VPS13B: variants seen among roughly 807,000 people sequenced by gnomAD.
VPS13B encodes intermembrane lipid transfer protein VPS13B.
VPS13B carries 285 observed loss-of-function variants against 426.4 expected under a neutral mutation model. That is an observed-to-expected ratio of 0.67 (90% CI 0.61 to 0.74). The LOEUF (loss-of-function observed/expected upper bound fraction) is 0.74, where lower values mean the gene tolerates loss of function less well. VPS13B is among the 30% of genes least tolerant of loss of function. The pLI, the probability that VPS13B is intolerant of heterozygous loss-of-function variation, is 0.00. For missense variants in VPS13B, 4,537 were observed against 4,782.6 expected (o/e 0.95, Z 1.51); for synonymous variants, 1,676 against 1,676.4 (o/e 1.00, Z 0.01).
rs1814177696 is a variant in VPS13B, at chr8:99,387,277, C to G, written c.2934+2960C>G. Reference sequence around the variant, plus strand: ...CTGTTGCCCAGGCTGAAGTGCAGTGCTGTGATCACAGGTCACTGCAGCCTT... The same window carrying G: ...CTGTTGCCCAGGCTGAAGTGCAGTGGTGTGATCACAGGTCACTGCAGCCTT... On this transcript the variant is annotated intron_variant, in intron 20 of 61. Transcript: ENST00000357162. Among the ~76,000 whole-genome samples the G allele has an allele frequency of 1.3e-5, 2 of 152,060 alleles. 1 individual carries two copies. Among genetic ancestry groups the G allele is most frequent in the South Asian group, 4.2e-4 (2 of 4,816 alleles).
At chr8:99,757,559 C>G (rs1421291128) in intron 39 of VPS13B, among the ~76,000 whole-genome samples, 3 of 152,196 alleles carry the variant, frequency 2.0e-5, no homozygotes, top group Non-Finnish European at 4.4e-5. Flanking sequence ...GACAGATGGG[C>G]AGTCATAACC....
chr8:99,699,397 T>G (rs1223152842), intron 35 of VPS13B, 128 bp from the exon 36 acceptor site: 2 of 979,018 alleles, frequency 2.0e-6, no homozygotes, highest in African/African-American at 3.3e-5. Flanking sequence ...ATATATCATG[T>G]TCAGGCATCC....
chr8:99,529,749 A>T (rs1416607536), intron 30 of VPS13B, among the ~76,000 whole-genome samples: 2 of 152,230 alleles, frequency 1.3e-5, no homozygotes, highest in African/African-American at 4.8e-5. Context: ...GAATTAAAAT[A>T]TCACAGGTGT....
At chr8:99,239,071 C>A (rs1042974193) in intron 17 of VPS13B, among the ~76,000 whole-genome samples, 3 of 151,948 alleles carry the variant, frequency 2.0e-5, no homozygotes, top group African/African-American at 7.3e-5. Context: ...TTGGTGAGGC[C>A]CTTACATTTG....
At chr8:99,098,796 G>A (rs1006480791) in intron 4 of VPS13B, among the ~76,000 whole-genome samples, 56 of 152,042 alleles carry the variant, frequency 3.7e-4, no homozygotes, top group African/African-American at 1.3e-3. Flanking sequence ...TTTTATAGGT[G>A]GAAAATGCTA....
chr8:99,413,071 A>G (rs1815781650), intron 21 of VPS13B, among the ~76,000 whole-genome samples: 1 of 152,226 alleles, frequency 6.6e-6, no homozygotes, highest in Non-Finnish European at 1.5e-5. Flanking sequence ...TGCTGGCCTC[A>G]TAAAATGAGT....
rs528112374 is a variant in VPS13B at position 99,163,625 on chromosome 8, G to A, written c.2209-6414G>A. ...CTGTTGGGGGACCCAGTACACCCTC[G>A]GCAGCCACTGGCCGGGGTGCTAAGT... On this transcript the variant is annotated intron_variant, in intron 15 of 61. Transcript: ENST00000357162. Among the ~76,000 whole-genome samples, 918 of 152,334 alleles carry A rather than the reference G, an allele frequency of 6.0e-3. 9 individuals carry two copies. Among genetic ancestry groups the A allele is most frequent in the African/African-American group, 0.021 (885 of 41,566 alleles).
intron 8 of VPS13B, among the ~76,000 whole-genome samples, chr8:99,124,274 A>G (rs866915564): frequency 4.3e-4 from 65 of 152,240 alleles, no homozygotes; most frequent in African/African-American, 1.5e-3. Context: ...TGACACTGTT[A>G]GAATCTTTGC....
chr8:99,793,281 ATAT>A (rs1812653481), intron 43 of VPS13B, among the ~76,000 whole-genome samples: 1 of 145,404 alleles, frequency 6.9e-6, no homozygotes, highest in African/African-American at 2.5e-5. Context: ...ATATATATAT[ATAT>A]AAAATACATG....
chr8:99,248,999 C>A (rs868527622), intron 17 of VPS13B, among the ~76,000 whole-genome samples: 4 of 152,282 alleles, frequency 2.6e-5, no homozygotes, highest in Middle Eastern at 6.8e-3. Flanking sequence ...CTTTATATCA[C>A]TCCATAAAAA....
intron 19 of VPS13B, among the ~76,000 whole-genome samples, chr8:99,339,341 G>C (rs1028696767): frequency 6.6e-6 from 1 of 151,886 alleles, no homozygotes; most frequent in Non-Finnish European, 1.5e-5. Context: ...CTTCTAGGGA[G>C]GCCTCAGGAA....
intron 24 of VPS13B, among the ~76,000 whole-genome samples, chr8:99,477,094 C>G (rs867889702): frequency 5.9e-5 from 9 of 152,182 alleles, no homozygotes; most frequent in Middle Eastern, 3.4e-3. Context: ...AAATACAAAC[C>G]CCATAACTGT....
intron 38 of VPS13B, 149 bp downstream of exon 38, chr8:99,720,701 C>A: frequency 8.9e-7 from 1 of 1,119,096 alleles, no homozygotes; most frequent in East Asian, 2.6e-5. Context: ...TTCAATCTCT[C>A]TTAGGGGAAG....
intron 30 of VPS13B, among the ~76,000 whole-genome samples, chr8:99,525,296 G>A (rs937860228): frequency 6.6e-6 from 1 of 152,124 alleles, no homozygotes; most frequent in African/African-American, 2.4e-5. Flanking sequence ...CAAGCACAGA[G>A]TTTTTATTTT....
intron 24 of VPS13B, among the ~76,000 whole-genome samples, chr8:99,471,220 A>G (rs928519280): frequency 6.6e-6 from 1 of 152,124 alleles, no homozygotes; most frequent in Non-Finnish European, 1.5e-5. Context: ...AGGAAAACCA[A>G]CAGAAGGGAT....
At chr8:99,791,867 C>G (rs542430164) in intron 43 of VPS13B, among the ~76,000 whole-genome samples, 2 of 152,124 alleles carry the variant, frequency 1.3e-5, no homozygotes, top group African/African-American at 2.4e-5. Flanking sequence ...ACTGCAGTCA[C>G]GGCAGCACAG....
intron 2 of VPS13B, among the ~76,000 whole-genome samples, chr8:99,037,219 A>G (rs1282850195): frequency 6.6e-6 from 1 of 152,050 alleles, no homozygotes; most frequent in East Asian, 1.9e-4. Context: ...AAAAATTGTA[A>G]CATTCCATTA....
At chr8:99,741,354 G>T (rs1382831045) in intron 39 of VPS13B, among the ~76,000 whole-genome samples, 1 of 152,180 alleles carries the variant, frequency 6.6e-6, no homozygotes, top group East Asian at 1.9e-4. Context: ...AAGAGACTTA[G>T]ATTCCCACAC....
chr8:99,610,093 A>G (rs1183735232), intron 33 of VPS13B, among the ~76,000 whole-genome samples: 1 of 152,182 alleles, frequency 6.6e-6, no homozygotes, highest in Non-Finnish European at 1.5e-5. Context: ...TGTTAAGATT[A>G]ATGGAAAGTC....
Sources: allele counts gnomAD v4.1 joint callset (sites outside exome capture counted in the v4.1 genomes callset), GRCh38; gene constraint gnomAD v4.1.1; transcripts MANE v1.5; gene names NCBI Gene and HGNC (gene_info 2026-07-23, HGNC 2026-07-21).